IMMP2L: variants seen among roughly 807,000 people sequenced by gnomAD.
IMMP2L encodes the protein inner mitochondrial membrane peptidase subunit 2.
Under a neutral mutation model 19.3 loss-of-function variants are expected in IMMP2L, and 18 were observed. The ratio of observed to expected loss-of-function variants is 0.93; its 90% CI spans 0.64 to 1.38. The LOEUF (loss-of-function observed/expected upper bound fraction) is 1.38, where lower values mean the gene tolerates loss of function less well. Among genes scored for constraint, IMMP2L ranks in the 40% most tolerant of loss-of-function variants. IMMP2L has a pLI of 0.00. For synonymous variants in IMMP2L, 76 were observed against 73.0 expected (o/e 1.04, Z -0.21); for missense variants, 233 against 218.2 (o/e 1.07, Z -0.43).
At chr7:111,450,144 T>C (rs1286208514) in intron 3 of IMMP2L, among the ~76,000 whole-genome samples, 1 of 151,656 alleles carries the variant, frequency 6.6e-6, no homozygotes, top group Non-Finnish European at 1.5e-5. Context: ...CCCAAGGTAA[T>C]TTACAGATTC....
At chr7:110,990,197 T>A (rs1299526411) in intron 3 of IMMP2L, among the ~76,000 whole-genome samples, 3 of 152,324 alleles carry the variant, frequency 2.0e-5, no homozygotes, top group Admixed American at 6.5e-5. Flanking sequence ...GCTTTGTAAC[T>A]ATAAATAAAT....
intron 3 of IMMP2L, chr7:111,122,762 A>G (rs1418432805): frequency 6.2e-7 from 1 of 1,602,620 alleles, no homozygotes; most frequent in Non-Finnish European, 8.5e-7. Flanking sequence ...TTTCTGAAGA[A>G]GAAAGCTAAG....
rs908040559 is a variant in IMMP2L at position 111,365,415 on chromosome 7, C to T, written c.239+121823G>A. Among the ~76,000 whole-genome samples, 50 of 152,080 alleles carry T rather than the reference C, an allele frequency of 3.3e-4. 1 individual carries two copies. Among genetic ancestry groups the T allele is most frequent in the African/African-American group, 1.1e-3 (45 of 41,424 alleles). ...TAATCCTATATAGCTGCTTGTTTCA[C>T]GCCACGCTAGAGCAGCTATTGAATT... On this transcript the variant is annotated intron_variant, in intron 3 of 5. Transcript: ENST00000405709.
chr7:111,359,410 T>C (rs928184989), intron 3 of IMMP2L, among the ~76,000 whole-genome samples: 1 of 152,040 alleles, frequency 6.6e-6, no homozygotes, highest in Non-Finnish European at 1.5e-5. Context: ...CAACAGATTC[T>C]CCTGCCTCAG....
chr7:111,337,178 T>C (rs890694656), intron 3 of IMMP2L, among the ~76,000 whole-genome samples: 19 of 152,080 alleles, frequency 1.2e-4, no homozygotes, highest in South Asian at 2.1e-4. Context: ...AGCTGTCAGC[T>C]AAATGAAATG....
chr7:111,323,794 T>C (rs1233657299), intron 3 of IMMP2L, among the ~76,000 whole-genome samples: 1 of 152,120 alleles, frequency 6.6e-6, no homozygotes, highest in Non-Finnish European at 1.5e-5. Context: ...ATATACACCA[T>C]GGAATACTAT....
intron 3 of IMMP2L, among the ~76,000 whole-genome samples, chr7:111,196,662 A>G (rs1319072320): frequency 6.6e-6 from 1 of 152,220 alleles, no homozygotes; most frequent in East Asian, 1.9e-4. Context: ...GGAAATGAAA[A>G]TATGAGAATT....
chr7:111,330,544 A>T (rs545426552), intron 3 of IMMP2L, among the ~76,000 whole-genome samples: 1 of 151,942 alleles, frequency 6.6e-6, no homozygotes, highest in Non-Finnish European at 1.5e-5. Flanking sequence ...ACTCAGAGAC[A>T]TATTTTAGTA....
Position 110,924,396 on chromosome 7 carries a change from C to T in IMMP2L, c.306-37701G>A, listed in dbSNP as rs527552834. Among the ~76,000 whole-genome samples the T allele has an allele frequency of 5.3e-5, 8 of 152,172 alleles. No individual in the cohort carries two copies. The highest frequency in any genetic ancestry group is 9.6e-5 in the African/African-American group (4 of 41,508). ...TCCATTTCAGCGCTACCTTTGCCAA[C>T]GGAGTCCTGCAATGACATACCAGAC... On this transcript the variant is annotated intron_variant, in intron 4 of 5. Transcript: ENST00000405709. This position sits in a 1 kb window ranked among gnomAD's most constrained non-coding sequence, Gnocchi z 4.2.
intron 3 of IMMP2L, among the ~76,000 whole-genome samples, chr7:111,458,527 T>C (rs904066635): frequency 6.6e-6 from 1 of 152,122 alleles, no homozygotes; most frequent in Non-Finnish European, 1.5e-5. Context: ...GTTCCTCCTA[T>C]CTTTCTCCTC....
chr7:110,780,328 A>T (rs1300224406), intron 5 of IMMP2L, among the ~76,000 whole-genome samples: 1 of 151,362 alleles, frequency 6.6e-6, no homozygotes, highest in Non-Finnish European at 1.5e-5. Context: ...TGTGTTAAAA[A>T]AAACAAACTG....
chr7:111,166,319 C>T (rs941809795), intron 3 of IMMP2L, among the ~76,000 whole-genome samples: 1 of 151,914 alleles, frequency 6.6e-6, no homozygotes, highest in Non-Finnish European at 1.5e-5. Context: ...AAGTTCTTAT[C>T]CAGAAGTATA....
At chr7:111,518,096 C>T (rs1397319937) in intron 2 of IMMP2L, among the ~76,000 whole-genome samples, 2 of 151,994 alleles carry the variant, frequency 1.3e-5, no homozygotes, top group African/African-American at 4.8e-5. Flanking sequence ...TTTGATCACC[C>T]TTATCTTTCT....
intron 3 of IMMP2L, among the ~76,000 whole-genome samples, chr7:110,993,547 C>A (rs1053954932): frequency 2.6e-5 from 4 of 151,874 alleles, no homozygotes; most frequent in African/African-American, 7.3e-5. Context: ...GCCAATCCTT[C>A]TCTCTCTTTG....
chr7:111,194,315 G>C (rs1018858218), intron 3 of IMMP2L, among the ~76,000 whole-genome samples: 15 of 152,236 alleles, frequency 9.9e-5, no homozygotes, highest in Admixed American at 7.9e-4. Context: ...TAGTGGAGTA[G>C]ATGTTTACTT....
chr7:111,167,477 A>G (rs1179840011), intron 3 of IMMP2L, among the ~76,000 whole-genome samples: 1 of 151,946 alleles, frequency 6.6e-6, no homozygotes, highest in African/African-American at 2.4e-5. Flanking sequence ...CAAGCTCAAG[A>G]TTATATGCAC....
intron 5 of IMMP2L, among the ~76,000 whole-genome samples, chr7:110,766,595 A>T (rs1040660925): frequency 6.6e-6 from 1 of 151,718 alleles, no homozygotes; most frequent in Non-Finnish European, 1.5e-5. Context: ...AAAAAAAAAA[A>T]AAAAAAAAAA....
At chr7:110,901,733 T>A (rs76552482) in intron 4 of IMMP2L, among the ~76,000 whole-genome samples, 80 of 152,348 alleles carry the variant, frequency 5.3e-4, no homozygotes, top group African/African-American at 1.8e-3. Flanking sequence ...GTTGCTATCC[T>A]GATTAAGTGA....
chr7:111,490,274 T>G (rs1025685667), intron 2 of IMMP2L, among the ~76,000 whole-genome samples: 7 of 140,424 alleles, frequency 5.0e-5, no homozygotes, highest in African/African-American at 8.8e-5. Flanking sequence ...CTAAGTCGGG[T>G]TTTTTTTTTC....
Sources: gnomAD v4.1 joint callset for allele counts (sites outside exome capture counted in the v4.1 genomes callset) on GRCh38, gnomAD v4.1.1 for gene constraint, Gnocchi (gnomAD v3.1) non-coding constraint, MANE v1.5 for transcripts, NCBI Gene and HGNC (gene_info 2026-07-23, HGNC 2026-07-21) for gene names.